The following MYO15A variants were observed in gnomAD, a reference collection of about 807,000 sequenced individuals.
The protein encoded by MYO15A is myosin XVA, also known as unconventional myosin-XV.
A neutral mutation model predicts 394.6 loss-of-function variants in MYO15A; 308 were observed. The ratio of observed to expected loss-of-function variants is 0.78; its 90% CI spans 0.71 to 0.86. MYO15A has a LOEUF of 0.86. Ranked by LOEUF, MYO15A falls within the 40% of genes least tolerant of loss-of-function variation. The probability of loss-of-function intolerance (pLI) is 0.00; values close to 1 mark genes in which losing one functional copy is unlikely to be tolerated. For missense variants in MYO15A, 4,606 were observed against 4,799.1 expected (o/e 0.96, Z 1.19); for synonymous variants, 1,957 against 2,003.8 (o/e 0.98, Z 0.62).
At chr17:18,161,898 G>T (rs1310375466) in intron 57 of MYO15A, among the ~76,000 whole-genome samples, 2 of 100,252 alleles carry the variant, frequency 2.0e-5, no homozygotes, top group East Asian at 2.0e-4. Flanking sequence ...ATGGAGAAAG[G>T]GGGGGCCACT....
intron 20 of MYO15A, 21 bp downstream of exon 20, chr17:18,140,686 G>A: frequency 6.2e-7 from 1 of 1,613,970 alleles, no homozygotes; most frequent in Non-Finnish European, 8.5e-7. Context: ...GGGCAGGTGG[G>A]CGGAGCACCC....
At chr17:18,146,704 C>T (rs931899037) in intron 30 of MYO15A, among the ~76,000 whole-genome samples, 2 of 152,148 alleles carry the variant, frequency 1.3e-5, no homozygotes, top group Non-Finnish European at 2.9e-5. Context: ...ATGGGAGGAT[C>T]GCTTGAGCCC....
rs751749515 is a variant in MYO15A, at chr17:18,131,355, A to T, written c.4142+13A>T. 1.2e-5 allele frequency: 20 copies of T among 1,613,840 alleles called. No individual in the cohort carries two copies. In the Middle Eastern group the frequency reaches 1.5e-3, roughly 120 times the overall value. ...TCTTTCTGGAAGGGTGAGTTGGGAC[A>T]GTGGAGGGCCTCCCAAAAGCCTTGC... On this transcript the variant is annotated intron_variant, in intron 9 of 65. Coordinates refer to ENST00000647165, the MANE Select transcript of MYO15A (RefSeq NM_016239.4).
At chr17:18,127,272 AG>A in intron 7 of MYO15A, 107 bp downstream of exon 7, 1 of 1,360,412 alleles carries the variant, frequency 7.4e-7, no homozygotes, top group Non-Finnish European at 1.0e-6. Flanking sequence ...GAAGATGAGG[AG>A]GCTGAGTTCC....
chr17:18,173,007 A>G (rs981285295), intron 64 of MYO15A, among the ~76,000 whole-genome samples: 9 of 152,106 alleles, frequency 5.9e-5, no homozygotes, highest in Non-Finnish European at 1.2e-4. Flanking sequence ...GTTGATTTAG[A>G]GTTGATTCCA....
In MYO15A at chr17:18,119,094, GATGAAGGGCAAGAAGCCGTCCTTC is replaced by G. The variant is rs2045844256; in HGVS notation, c.298_321del (p.Lys100_Met107del). 6.2e-7 allele frequency: 1 copy of G among 1,611,906 alleles called. No homozygotes were observed. The highest frequency in any genetic ancestry group is 8.5e-7 in the Non-Finnish European group (1 of 1,179,574). ...TGCGCATGGGCAAGAAGAAGCGGGC[GATGAAGGGCAAGAAGCCGTCCTTC>G]ATGGTGATCCGCTTCCCAGGCCGCC... On this transcript the variant is annotated inframe_deletion, in exon 2 of 66. Transcript: ENST00000647165.
chr17:18,121,501 C>T lies in MYO15A; in HGVS notation c.2701C>T (p.Arg901Trp), dbSNP rs759558316. The stretch of plus-strand genomic sequence containing the variant: ...CCGACCGCCCAGGGCCGGGGCCTGG[C>T]GGGCGCCCCTGGAACACCGGGAGAG... ...FHRPPRAGAW[R>W]APLEHRESPR... The change falls in exon 2 of 66, where the codon CGG becomes TGG. Residue 901 changes from arginine (R) to tryptophan (W), a missense_variant. This residue lies in a region of MYO15A where 1,830 missense variants were observed against 1,689.7 expected (regional missense o/e 1.08). Transcript: ENST00000647165. The surrounding 1 kb of genome is among the most constrained non-coding windows in gnomAD (Gnocchi z 5.3). 28 of 1,552,276 alleles carry T rather than the reference C, an allele frequency of 1.8e-5. No individual in the cohort carries two copies. The highest frequency in any genetic ancestry group is 2.3e-5 in the Non-Finnish European group (26 of 1,148,496).
intron 1 of MYO15A, among the ~76,000 whole-genome samples, chr17:18,113,597 A>G (rs990621233): frequency 1.3e-5 from 2 of 152,078 alleles, no homozygotes; most frequent in African/African-American, 4.8e-5. Context: ...TGTCCCTACT[A>G]AAAATACAAA....
In MYO15A at chr17:18,153,956, C is replaced by G; in HGVS notation, c.8088+60C>G. 1 of 1,609,138 alleles carries G rather than the reference C, an allele frequency of 6.2e-7. No homozygotes were observed. The highest frequency in any genetic ancestry group is 8.5e-7 in the Non-Finnish European group (1 of 1,177,002). ...AAGCGGGGCAGGGGAGGGGCTGAAG[C>G]GAGCAGAGGAGGGTCTAGGACTTGG... On this transcript the variant is annotated intron_variant, in intron 43 of 65. Transcript: ENST00000647165. The surrounding 1 kb of genome is among the most constrained non-coding windows in gnomAD (Gnocchi z 4.1).
chr17:18,175,292 C>CTTTTTTTTTTTTTTTTTTTTTTT (rs1182500584), intron 65 of MYO15A, among the ~76,000 whole-genome samples: 2 of 91,286 alleles, frequency 2.2e-5, no homozygotes, highest in African/African-American at 4.2e-5. Context: ...TCTAGACTAT[C>CTTTTTTTTTTTTTTTTTTTTTTT]TTTTTTTTTT....
rs573678541 is a variant in MYO15A at position 18,173,757 on chromosome 17, C to T, written c.10351-24C>T. On this transcript the variant is annotated intron_variant, in intron 64 of 65. Transcript: ENST00000647165. The stretch of plus-strand genomic sequence containing the variant: ...GACTATCCTCGCCCACAGGCCTGTC[C>T]GGCCCCTCTCCTCCTACTCCCAGGA... 48 of 1,613,670 alleles carry T rather than the reference C, an allele frequency of 3.0e-5. No individual in the cohort carries two copies. In the East Asian group the frequency reaches 6.9e-4, roughly 23 times the overall value.
chr17:18,129,211 G>A (rs757375383), intron 7 of MYO15A, among the ~76,000 whole-genome samples: 4 of 152,228 alleles, frequency 2.6e-5, no homozygotes, highest in Non-Finnish European at 5.9e-5. Context: ...AGCCAACCAC[G>A]TAGCACAGGG....
At chr17:18,114,241 CTTTTTTTTTTTTTTT>C (rs10583154) in intron 1 of MYO15A, among the ~76,000 whole-genome samples, 4 of 55,562 alleles carry the variant, frequency 7.2e-5, no homozygotes, top group East Asian at 5.2e-4. Context: ...ACAGTCCTGT[CTTTTTTTTTTTTTTT>C]TTTTTTTTTT....
At chr17:18,126,719 G>T (rs1368863974) in intron 5 of MYO15A, 72 bp from the exon 6 acceptor site, 3 of 1,504,720 alleles carry the variant, frequency 2.0e-6, no homozygotes, top group Non-Finnish European at 1.8e-6. Context: ...GGATACGGAT[G>T]CTCCCTGCCC....
At position 18,163,299 on chromosome 17, in the gene MYO15A, A is replaced by G. The variant is rs1191339769; in HGVS notation, c.9668A>G (p.His3223Arg). ...CTTCTTCCTGGAGGCCTTGAACGCC[A>G]TCTCAAAATCAAAACATGCACTGTA... ...LFLLPGGLER[H>R]LKIKTCTVAL... Residue 3223 changes from histidine (H) to arginine (R), a missense_variant, in exon 59 of 66, where the codon CAT becomes CGT. By Grantham distance (29) the His-to-Arg change is conservative (BLOSUM62 0). Around this residue, in one of 2 missense-constraint regions of MYO15A, gnomAD observed 2,776 missense variants for 3,109.3 expected, o/e 0.89. Transcript: ENST00000647165. 2 of 1,614,168 alleles carry G rather than the reference A, an allele frequency of 1.2e-6. No homozygotes were observed. Among genetic ancestry groups the G allele is most frequent in the Non-Finnish European group, 1.7e-6 (2 of 1,180,006 alleles).
chr17:18,130,968 G>A (rs993340891), intron 8 of MYO15A, among the ~76,000 whole-genome samples, 158 bp downstream of exon 8: 5 of 151,910 alleles, frequency 3.3e-5, no homozygotes, highest in Admixed American at 2.0e-4. Context: ...CAGGGCTGGG[G>A]CTTGTGGTCA....
chr17:18,173,824 G>A lies in MYO15A; in HGVS notation c.10394G>A (p.Arg3465Gln), dbSNP rs199783506. The A allele has an allele frequency of 2.8e-4, 451 of 1,613,892 alleles. 1 individual carries two copies. The highest frequency in any genetic ancestry group is 3.4e-4 in the Non-Finnish European group (398 of 1,180,046). The stretch of plus-strand genomic sequence containing the variant: ...CCCCTGAAGGAGATCCAGTCGACGC[G>A]GACCCAGCGGCCCACGGCCAACTCC... ...KFPLKEIQST[R>Q]TQRPTANSSY... The change falls in exon 65 of 66, where the codon CGG (arginine) becomes CAG (glutamine). Residue 3465 changes from arginine to glutamine, a missense_variant. Arg to Gln is a conservative substitution (Grantham distance 43). Coordinates refer to ENST00000647165, the MANE Select transcript of MYO15A (RefSeq NM_016239.4).
chr17:18,119,366 G>A lies in MYO15A; in HGVS notation c.566G>A (p.Arg189Lys). ...CTGCGGCCTGGGGGCCGGCTCCGGA[G>A]GTTCCCCCGCAGCCGCAGCATCTAC... The part of the protein sequence containing the change: ...EILRPGGRLR[R>K]FPRSRSIYAS... The change falls in exon 2 of 66, where the codon AGG (arginine) becomes AAG (lysine). Residue 189 changes from arginine to lysine, a missense_variant. By Grantham distance (26) the Arg-to-Lys change is conservative (BLOSUM62 2). Transcript: ENST00000647165. 10 of 1,609,562 alleles carry A rather than the reference G, an allele frequency of 6.2e-6. No homozygotes were observed. Among genetic ancestry groups the A allele is most frequent in the Non-Finnish European group, 8.5e-6 (10 of 1,179,296 alleles).
In MYO15A at chr17:18,150,416, C is replaced by T; in HGVS notation, c.7213-13C>T. The T allele has an allele frequency of 6.2e-7, 1 of 1,612,132 alleles. No individual in the cohort carries two copies. The highest frequency in any genetic ancestry group is 1.3e-5 in the African/African-American group (1 of 74,956). On this transcript the variant is annotated splice_polypyrimidine_tract_variant and intron_variant, in intron 35 of 65. Transcript: ENST00000647165. The surrounding 1 kb of genome is among the most constrained non-coding windows in gnomAD (Gnocchi z 4.4). ...ATAATGAGATGGTCACTTGAGCCAC[C>T]CACTGCCCCCAGGACCTGGAGAAGC...
Sources: gnomAD v4.1 joint callset for allele counts (sites outside exome capture counted in the v4.1 genomes callset) on GRCh38, gnomAD v4.1.1 for gene constraint, gnomAD v4.1.1 regional missense constraint, Gnocchi (gnomAD v3.1) non-coding constraint, MANE v1.5 for transcripts, NCBI Gene and HGNC (gene_info 2026-07-23, HGNC 2026-07-21) for gene names.